The following POLR3GL variants were observed in gnomAD, a reference collection of about 807,000 sequenced individuals.
POLR3GL encodes the protein RNA polymerase III subunit GL.
A neutral mutation model predicts 32.4 loss-of-function variants in POLR3GL; 26 were observed. That is an observed-to-expected ratio of 0.80 (90% confidence interval 0.59 to 1.11). POLR3GL has a LOEUF of 1.11. Ranked by LOEUF, POLR3GL falls within the 50% of genes most tolerant of loss-of-function variation. The probability of loss-of-function intolerance (pLI) is 0.00; values close to 1 mark genes in which losing one functional copy is unlikely to be tolerated. For missense variants in POLR3GL, 229 were observed against 280.1 expected, an observed-to-expected ratio of 0.82 and a Z score of 1.30; for synonymous variants, 95 against 98.7, an observed-to-expected ratio of 0.96 and a Z score of 0.22.
At position 145,968,557 on chromosome 1, in the gene POLR3GL, G is replaced by A. The variant is rs148081158; in HGVS notation, c.-42+3789G>A. On this transcript the variant is annotated intron_variant, in intron 1 of 7. Coordinates refer to ENST00000369314, the MANE Select transcript of POLR3GL (RefSeq NM_032305.3). ...GTTCTCTCGCTTAAAAGGGGCTGAAGACACGGTGACAAATTCTTTTTTTTT... is the reference window on the plus strand; with the variant it reads ...GTTCTCTCGCTTAAAAGGGGCTGAAAACACGGTGACAAATTCTTTTTTTTT... 9.0e-4 allele frequency among the ~76,000 whole-genome samples: 137 copies of A among 151,648 alleles called. 4 individuals carry two copies. The East Asian group carries it at 0.026, about 28-fold the overall frequency.
intron 4 of POLR3GL, 136 bp downstream of exon 4, chr1:145,977,288 C>T: frequency 2.2e-6 from 2 of 909,998 alleles, no homozygotes; most frequent in East Asian, 2.5e-5. Flanking sequence ...TATGGTCCAA[C>T]ACATTCTCAG....
chr1:145,966,920 TTTAC>T (rs1650063609), intron 1 of POLR3GL, among the ~76,000 whole-genome samples: 1 of 152,238 alleles, frequency 6.6e-6, no homozygotes, highest in African/African-American at 2.4e-5. Flanking sequence ...TGAATATCCT[TTTAC>T]TTATATCTGT....
intron 1 of POLR3GL, among the ~76,000 whole-genome samples, chr1:145,973,506 G>A (rs1650415384): frequency 6.6e-6 from 1 of 151,610 alleles, no homozygotes; most frequent in African/African-American, 2.4e-5. Flanking sequence ...GAGTCCAGGA[G>A]TTCGAGACCA....
rs1326005948 is a variant in POLR3GL, at chr1:145,977,494, C to G, written c.337C>G (p.Leu113Val). 1 of 1,614,100 alleles carries G rather than the reference C, an allele frequency of 6.2e-7. No individual in the cohort carries two copies. The highest frequency in any genetic ancestry group is 8.5e-7 in the Non-Finnish European group (1 of 1,179,984). Residue 113 changes from leucine to valine, a missense_variant, in exon 5 of 8, where the codon CTA becomes GTA. Physicochemically the swap from Leu to Val is conservative, Grantham distance 32. Coordinates refer to ENST00000369314, the MANE Select transcript of POLR3GL (RefSeq NM_032305.3). Reference protein sequence around the residue: ...AIDWNPDWRRLPRELKIRVRK... With the variant: ...AIDWNPDWRRVPRELKIRVRK... ...CCCACTATTCCCAGATTGGCGGCGT[C>G]TACCCCGGGAGCTAAAGATCCGAGT...
At chr1:145,976,482 G>C (rs1650558590) in intron 3 of POLR3GL, among the ~76,000 whole-genome samples, 1 of 151,404 alleles carries the variant, frequency 6.6e-6, no homozygotes, top group Admixed American at 6.6e-5. Context: ...GGGAGGCTGA[G>C]GCAAGAATTG....
chr1:145,976,975 T>A (rs958012590), intron 3 of POLR3GL, 109 bp from the exon 4 acceptor site: 6 of 901,726 alleles, frequency 6.7e-6, no homozygotes, highest in African/African-American at 3.3e-5. Flanking sequence ...GGCTCTGGGT[T>A]TGGGGTAAGG....
chr1:145,977,063 T>G, intron 3 of POLR3GL, 21 bp from the exon 4 acceptor site: 1 of 1,609,092 alleles, frequency 6.2e-7, no homozygotes, highest in Non-Finnish European at 8.5e-7. Context: ...GGGATAAAAC[T>G]TTGACCCTTC....
chr1:145,966,675 G>T (rs868995269), intron 1 of POLR3GL, among the ~76,000 whole-genome samples: 5 of 151,910 alleles, frequency 3.3e-5, no homozygotes, highest in Non-Finnish European at 5.9e-5. Context: ...TGTAATCCCA[G>T]TTACTCGGGG....
chr1:145,967,855 T>C (rs1302763811), intron 1 of POLR3GL, among the ~76,000 whole-genome samples: 1 of 152,208 alleles, frequency 6.6e-6, no homozygotes, highest in Non-Finnish European at 1.5e-5. Flanking sequence ...TCAGTAAATA[T>C]TTGTTGAGTG....
At position 145,975,577 on chromosome 1, in the gene POLR3GL, G is replaced by A. The variant is rs142930446; in HGVS notation, c.256+141G>A. ...TAATAGTTACCCCTGTATCTGAAAT[G>A]CATTATAGTATTCATGGTTTGTTTT... is the stretch of plus-strand genomic sequence containing the variant. On this transcript the variant is annotated intron_variant, in intron 3 of 7. Coordinates refer to ENST00000369314, the MANE Select transcript of POLR3GL (RefSeq NM_032305.3). 6.4e-5 allele frequency: 58 copies of A among 899,322 alleles called. 2 individuals carry two copies. In the African/African-American group the frequency reaches 9.3e-4, roughly 14 times the overall value. 55.7% of individuals were successfully genotyped at this position (899,322 alleles called of 1,614,324 possible).
intron 1 of POLR3GL, among the ~76,000 whole-genome samples, chr1:145,969,921 C>CA (rs1353132714): frequency 0.024 from 1,572 of 64,890 alleles, 12 homozygotes; most frequent in African/African-American, 0.033. Context: ...GACTCTGTCT[C>CA]AAAAAAAAAA....
chr1:145,977,226 C>G, intron 4 of POLR3GL, 74 bp downstream of exon 4: 2 of 1,287,746 alleles, frequency 1.6e-6, no homozygotes, highest in Admixed American at 3.4e-5. Context: ...CCCACCACGC[C>G]CATGACCCCA....
At chr1:145,978,251 G>A in intron 7 of POLR3GL, 110 bp from the exon 8 acceptor site, 1 of 1,305,504 alleles carries the variant, frequency 7.7e-7, no homozygotes, top group Non-Finnish European at 1.1e-6. Flanking sequence ...AACTACAGCT[G>A]GAAGAGATGT....
Position 145,975,408 on chromosome 1 carries a change from C to T in POLR3GL, c.228C>T (p.Tyr76=). The T allele has an allele frequency of 6.2e-7, 1 of 1,614,106 alleles. No homozygotes were observed. The highest frequency in any genetic ancestry group is 8.5e-7 in the Non-Finnish European group (1 of 1,179,930). The change falls in exon 3 of 8, where the codon TAC becomes TAT. Residue 76 remains tyrosine (Y), a synonymous_variant. Coordinates refer to ENST00000369314, the MANE Select transcript of POLR3GL (RefSeq NM_032305.3). ...ELRGAMRQLP[Y]FIRPAVPKRD... ...GAGGAGCCATGAGGCAGCTCCCCTA[C>T]TTCATCCGGCCAGCTGTCCCCAAGA...
chr1:145,976,912 C>CAAAA (rs1214882660), intron 3 of POLR3GL, among the ~76,000 whole-genome samples, 172 bp from the exon 4 acceptor site: 2 of 101,470 alleles, frequency 2.0e-5, no homozygotes, highest in African/African-American at 8.2e-5. Context: ...GACTCTGTCT[C>CAAAA]AAAAAAAAAA....
At chr1:145,973,034 G>A (rs1231012232) in intron 1 of POLR3GL, among the ~76,000 whole-genome samples, 1 of 152,140 alleles carries the variant, frequency 6.6e-6, no homozygotes, top group East Asian at 1.9e-4. Context: ...GTTGTTTTGA[G>A]CACCTCCTTA....
intron 1 of POLR3GL, 90 bp from the exon 2 acceptor site, chr1:145,974,735 C>T: frequency 1.1e-6 from 1 of 885,074 alleles, no homozygotes; most frequent in Non-Finnish European, 1.6e-6. Flanking sequence ...TTTTCATGTC[C>T]CAGAGATAAA....
rs781975761 is a variant in POLR3GL at position 145,977,500 on chromosome 1, C to T, written c.343C>T (p.Arg115Trp). 1.2e-5 allele frequency: 19 copies of T among 1,614,070 alleles called. No homozygotes were observed. Among genetic ancestry groups the T allele is most frequent in the East Asian group, 4.5e-5 (2 of 44,886 alleles). ...DWNPDWRRLPRELKIRVRKLQ... is the reference protein window; with the variant it reads ...DWNPDWRRLPWELKIRVRKLQ... ...ATTCCCAGATTGGCGGCGTCTACCC[C>T]GGGAGCTAAAGATCCGAGTGCGGAA... Residue 115 changes from arginine to tryptophan, a missense_variant, in exon 5 of 8, where the codon CGG becomes TGG. By Grantham distance (101) the Arg-to-Trp change is moderately radical. Coordinates refer to ENST00000369314, the MANE Select transcript of POLR3GL (RefSeq NM_032305.3).
intron 1 of POLR3GL, among the ~76,000 whole-genome samples, chr1:145,971,848 C>G (rs948872334): frequency 3.4e-5 from 5 of 148,800 alleles, no homozygotes; most frequent in East Asian, 2.0e-4. Context: ...GCCCGTAATC[C>G]CAGCTATTCA....
Sources: gnomAD v4.1 joint callset for allele counts (sites outside exome capture counted in the v4.1 genomes callset) on GRCh38, gnomAD v4.1.1 for gene constraint, MANE v1.5 for transcripts, NCBI Gene and HGNC (gene_info 2026-07-23, HGNC 2026-07-21) for gene names.